Variants in SLC19A1 observed in about 807,000 individuals in gnomAD.
SLC19A1 encodes the protein reduced folate transporter.
In SLC19A1, 37 loss-of-function variants were observed where a neutral mutation model predicts 35.3. The observed-to-expected ratio is 1.05, with a 90% CI of 0.81 to 1.38. SLC19A1 has a LOEUF of 1.38. Ranked by LOEUF, SLC19A1 falls within the 40% of genes most tolerant of loss-of-function variation. SLC19A1 has a pLI of 0.00. For synonymous variants in SLC19A1, 460 were observed against 398.5 expected, an observed-to-expected ratio of 1.15 and a Z score of -1.84; for missense variants, 831 against 826.9, an observed-to-expected ratio of 1.00 and a Z score of -0.06.
Position 45,530,718 on chromosome 21 carries a change from G to A in SLC19A1, c.1151+52C>T. The A allele has an allele frequency of 2.0e-6, 3 of 1,526,698 alleles. No homozygotes were observed. The highest frequency in any genetic ancestry group is 2.7e-6 in the Non-Finnish European group (3 of 1,129,348). The allele number at this position is 1,526,698 out of a possible 1,614,324, so 94.6% of individuals were successfully genotyped here. Reference sequence around the variant, plus strand: ...GTGGGAGCACCCAGCGAAGCGCGGGGCTTGATCCTGGCGCCTGCCCGCCCC... The same window carrying A: ...GTGGGAGCACCCAGCGAAGCGCGGGACTTGATCCTGGCGCCTGCCCGCCCC... On this transcript the variant is annotated intron_variant, in intron 4 of 5. Coordinates refer to ENST00000311124, the MANE Select transcript of SLC19A1 (RefSeq NM_194255.4). This position sits in a 1 kb window ranked among gnomAD's most constrained non-coding sequence, Gnocchi z 5.3.
intron 3 of SLC19A1, chr21:45,506,067 A>G (rs2146089569): frequency 3.9e-6 from 6 of 1,554,340 alleles, no homozygotes; most frequent in Non-Finnish European, 5.3e-6. Context: ...CAGGGATGGG[A>G]GCAGGTGGCA....
chr21:45,511,526 T>C (rs1440709358), downstream of SLC19A1, among the ~76,000 whole-genome samples: 1 of 152,026 alleles, frequency 6.6e-6, no homozygotes, highest in Admixed American at 6.5e-5. Context: ...TGGTCAGCCA[T>C]GTAAGCAGCG....
upstream of SLC19A1, among the ~76,000 whole-genome samples, chr21:45,549,112 C>A (rs1569027490): frequency 6.6e-6 from 1 of 152,210 alleles, no homozygotes; most frequent in Non-Finnish European, 1.5e-5. Flanking sequence ...CATGTAACTG[C>A]TAAAAACTGG....
intron 1 of SLC19A1, among the ~76,000 whole-genome samples, chr21:45,551,806 C>T (rs1435913284): frequency 1.3e-5 from 2 of 152,110 alleles, no homozygotes; most frequent in Admixed American, 6.5e-5. Flanking sequence ...GGATTTCAAT[C>T]TCTGATAGCC....
At chr21:45,511,437 G>T (rs1299153629), downstream of SLC19A1, among the ~76,000 whole-genome samples, 1 of 152,238 alleles carries the variant, frequency 6.6e-6, no homozygotes, top group Non-Finnish European at 1.5e-5. Flanking sequence ...CCAGGTAGTT[G>T]TAAGAAGGCC....
chr21:45,554,635 C>T lies in SLC19A1; in HGVS notation c.-50+8107G>A, dbSNP rs192467873. Among the ~76,000 whole-genome samples, 314 of 146,272 alleles carry T rather than the reference C, an allele frequency of 2.1e-3. 1 individual carries two copies. The highest frequency in any genetic ancestry group is 7.5e-3 in the African/African-American group (293 of 39,112). On this transcript the variant is annotated intron_variant, in intron 1 of 5. Coordinates refer to the SLC19A1 transcript ENST00000650808. ...TCCAGGTCCCTGCACGGGGCAGCGG[C>T]GTGGAAACTTCCTTTCAGGCCGGCG...
rs1430834751 is a variant in SLC19A1 at position 45,555,178 on chromosome 21, CGGT to C, written c.-50+7561_-50+7563del. 3.4e-4 allele frequency among the ~76,000 whole-genome samples: 15 copies of C among 44,254 alleles called. 1 individual carries two copies. The East Asian group carries it at 8.7e-3, about 26-fold the overall frequency. The allele number at this position is 44,254 out of a possible 152,430, so 29.0% of individuals were successfully genotyped here. On this transcript the variant is annotated intron_variant, in intron 1 of 5. Coordinates refer to the SLC19A1 transcript ENST00000650808. Reference sequence around the variant, plus strand: ...GGGGCGGCGGGGGCGGCGCAGGGGGCGGTGCAGGGGGCGGCGGGGGCGGCGCAG... The same window carrying C: ...GGGGCGGCGGGGGCGGCGCAGGGGGCGCAGGGGGCGGCGGGGGCGGCGCAG...
chr21:45,529,070 T>C (rs1036501766), intron 4 of SLC19A1, among the ~76,000 whole-genome samples: 2 of 152,210 alleles, frequency 1.3e-5, no homozygotes, highest in African/African-American at 4.8e-5. Flanking sequence ...CCAAGCAAGA[T>C]CACGCTGGGC....
chr21:45,535,794 G>A (rs1381830007), intron 2 of SLC19A1, among the ~76,000 whole-genome samples: 1 of 152,252 alleles, frequency 6.6e-6, no homozygotes, highest in Non-Finnish European at 1.5e-5. Context: ...CAACCCAGGA[G>A]GCGCAGCTTA....
rs775814421 is a variant in SLC19A1, at chr21:45,533,786, G to A, written c.190-1638C>T. ...GGGTCAGCACGTGGGGTGCTGCGCC[G>A]AGCCACGCCGCCTCCCCGGGGGCTC... On this transcript the variant is annotated intron_variant, in intron 2 of 5. Coordinates refer to ENST00000311124, the MANE Select transcript of SLC19A1 (RefSeq NM_194255.4). The surrounding 1 kb of genome is among the most constrained non-coding windows in gnomAD (Gnocchi z 4.5). Among the ~76,000 whole-genome samples, 7 of 152,082 alleles carry A rather than the reference G, an allele frequency of 4.6e-5. No homozygotes were observed. Among genetic ancestry groups the A allele is most frequent in the African/African-American group, 9.7e-5 (4 of 41,416 alleles).
chr21:45,535,911 C>T (rs913716345), intron 2 of SLC19A1: 1 of 156,508 alleles, frequency 6.4e-6, no homozygotes, highest in African/African-American at 2.4e-5. Context: ...TTCCTAGACA[C>T]AAGCCTGGCA....
chr21:45,506,124 T>A, intron 3 of SLC19A1: 1 of 1,165,060 alleles, frequency 8.6e-7, no homozygotes, highest in Non-Finnish European at 1.2e-6. Flanking sequence ...TTTAGTAAAA[T>A]ACTTTTGTGA....
intron 3 of SLC19A1, chr21:45,505,911 T>G: frequency 1.2e-6 from 2 of 1,613,114 alleles, no homozygotes; most frequent in Non-Finnish European, 1.7e-6. Flanking sequence ...CTCATCTTCG[T>G]GGCCGAGCAG....
rs949355187 is a variant in SLC19A1 at position 45,532,129 on chromosome 21, G to A, written c.209C>T (p.Pro70Leu). 3 of 1,602,648 alleles carry A rather than the reference G, an allele frequency of 1.9e-6. No homozygotes were observed. The highest frequency in any genetic ancestry group is 2.6e-6 in the Non-Finnish European group (3 of 1,172,758). ...GGCCAGGTAGGAGTACGACAGCACC[G>A]GCGTGATCTCGTTCGTGACCTGCGG... ...TREQVTNEIT[P>L]VLSYSYLAVL... Residue 70 changes from proline (P) to leucine (L), a missense_variant, in exon 3 of 6, where the codon CCG becomes CTG. Transcript: ENST00000311124.
rs1300949321 is a variant in SLC19A1, at chr21:45,531,838, C to G, written c.500G>C (p.Ser167Thr). 6.3e-7 allele frequency: 1 copy of G among 1,586,892 alleles called. No homozygotes were observed. The highest frequency in any genetic ancestry group is 2.3e-5 in the East Asian group (1 of 42,794). ...GACCAGCAGCTGGCCCAGCACGGAG[C>G]TGGTGAACACGCCCAGCAGCACCGC... is the stretch of plus-strand genomic sequence containing the variant. ...RAAVLLGVFTSSVLGQLLVTV... is the reference protein window; with the variant it reads ...RAAVLLGVFTTSVLGQLLVTV... The change falls in exon 3 of 6, where the codon AGC (serine) becomes ACC (threonine). Residue 167 changes from serine (S) to threonine (T), a missense_variant. By Grantham distance (58) the Ser-to-Thr change is moderately conservative (BLOSUM62 1). Transcript: ENST00000311124.
chr21:45,511,641 C>T (rs1447223208), downstream of SLC19A1, among the ~76,000 whole-genome samples: 13 of 152,226 alleles, frequency 8.5e-5, no homozygotes, highest in East Asian at 9.7e-4. Flanking sequence ...TCTAGAAGAA[C>T]GCTTCGTCCC....
At position 45,533,057 on chromosome 21, in the gene SLC19A1, C is replaced by T. The variant is rs925797208; in HGVS notation, c.190-909G>A. Reference sequence around the variant, plus strand: ...GTCCCCAGAGCAAGGTCTTTAAGGCCAGACTCCAACCCAGGAGCAGGGAGG... The same window carrying T: ...GTCCCCAGAGCAAGGTCTTTAAGGCTAGACTCCAACCCAGGAGCAGGGAGG... On this transcript the variant is annotated intron_variant, in intron 2 of 5. Transcript: ENST00000311124. This position sits in a 1 kb window ranked among gnomAD's most constrained non-coding sequence, Gnocchi z 4.5. Among the ~76,000 whole-genome samples the T allele has an allele frequency of 2.0e-5, 3 of 152,346 alleles. No homozygotes were observed. Among genetic ancestry groups the T allele is most frequent in the East Asian group, 3.9e-4 (2 of 5,180 alleles).
In SLC19A1 at chr21:45,537,906, A is replaced by T; in HGVS notation, c.54T>A (p.Pro18=). The T allele has an allele frequency of 6.3e-7, 1 of 1,596,012 alleles. No individual in the cohort carries two copies. Among genetic ancestry groups the T allele is most frequent in the Non-Finnish European group, 8.5e-7 (1 of 1,174,658 alleles). The stretch of plus-strand genomic sequence containing the variant: ...GCCGCCAGGACCGGAGCTCGGGGTC[A>T]GGCCCAGGTTCCACGGGCACCTGCT... ...VEKQVPVEPG[P]DPELRSWRHL... is the part of the protein sequence containing the mutation. Residue 18 remains proline, a synonymous_variant, in exon 2 of 6, where the codon CCT becomes CCA. Transcript: ENST00000311124.
downstream of SLC19A1, chr21:45,509,621 G>T: frequency 7.4e-7 from 1 of 1,348,218 alleles, no homozygotes. Flanking sequence ...CCCCCAAAGT[G>T]GGCTTGGCTC....
Sources: gnomAD v4.1 joint callset for allele counts (sites outside exome capture counted in the v4.1 genomes callset) on GRCh38, gnomAD v4.1.1 for gene constraint, Gnocchi (gnomAD v3.1) non-coding constraint, MANE v1.5 for transcripts, NCBI Gene and HGNC (gene_info 2026-07-23, HGNC 2026-07-21) for gene names.